PCDHGA3: variants seen among roughly 807,000 people sequenced by gnomAD.
PCDHGA3 encodes protocadherin gamma subfamily A, 3, also known as protocadherin gamma-A3.
In PCDHGA3, 40 loss-of-function variants were observed where a neutral mutation model predicts 58.5. The observed-to-expected ratio is 0.68, with a 90% CI of 0.53 to 0.89. The LOEUF (loss-of-function observed/expected upper bound fraction) is 0.89. Ranked by LOEUF, PCDHGA3 falls within the 40% of genes least tolerant of loss-of-function variation. The probability of loss-of-function intolerance (pLI) is 0.00; values close to 1 mark genes in which losing one functional copy is unlikely to be tolerated. For synonymous variants in PCDHGA3, 530 were observed against 525.7 expected (o/e 1.01, Z -0.11); for missense variants, 1,223 against 1,195.9 (o/e 1.02, Z -0.33).
At chr5:141,363,480 A>G (rs565177899) in intron 1 of PCDHGA3, among the ~76,000 whole-genome samples, 1 of 152,366 alleles carries the variant, frequency 6.6e-6, no homozygotes, top group East Asian at 1.9e-4. Flanking sequence ...GCTTTCCTGC[A>G]TGGATGATGA....
At position 141,408,970 on chromosome 5, in the gene PCDHGA3, C is replaced by T. The variant is rs755949698; in HGVS notation, c.2424+62513C>T. The stretch of plus-strand genomic sequence containing the variant: ...GAATTAGTCTTAGTGAAAATCTGCC[C>T]CCTGGGTCCCCTGTGTTGCAAGTGA... On this transcript the variant is annotated intron_variant, in intron 1 of 3. Coordinates refer to ENST00000253812, the MANE Select transcript of PCDHGA3 (RefSeq NM_018916.4). 10 of 1,613,770 alleles carry T rather than the reference C, an allele frequency of 6.2e-6. No homozygotes were observed. The South Asian group carries it at 1.1e-4, about 18-fold the overall frequency.
In PCDHGA3 at chr5:141,491,443, G is replaced by C. The variant is rs955584868; in HGVS notation, c.2425-3364G>C. On this transcript the variant is annotated intron_variant, in intron 1 of 3. Transcript: ENST00000253812. This position sits in a 1 kb window ranked among gnomAD's most constrained non-coding sequence, Gnocchi z 6.9. ...TGGAGGGCAGTGCTGCAGGCGCCAG[G>C]ACTCACCCTCCCCGGACTTCTATAA... 1 of 1,613,998 alleles carries C rather than the reference G, an allele frequency of 6.2e-7. No homozygotes were observed. Among genetic ancestry groups the C allele is most frequent in the Admixed American group, 1.7e-5 (1 of 60,000 alleles).
At chr5:141,376,298 C>T in intron 1 of PCDHGA3, 1 of 1,614,206 alleles carries the variant, frequency 6.2e-7, no homozygotes, top group South Asian at 1.1e-5. Context: ...GCCCGGCTCG[C>T]ACTTTGTGGG....
chr5:141,399,522 C>T, intron 1 of PCDHGA3: 6 of 1,614,056 alleles, frequency 3.7e-6, no homozygotes, highest in Non-Finnish European at 5.1e-6. Flanking sequence ...CTCCTGGGGC[C>T]TCCATCGCGC....
chr5:141,371,694 T>C, intron 1 of PCDHGA3: 1 of 1,614,030 alleles, frequency 6.2e-7, no homozygotes, highest in African/African-American at 1.3e-5. Flanking sequence ...ACCGCTCTCC[T>C]CCAGCAAGAC....
At chr5:141,351,150 T>G (rs781775496) in intron 1 of PCDHGA3, 3 of 1,614,020 alleles carry the variant, frequency 1.9e-6, no homozygotes, top group Non-Finnish European at 2.5e-6. Context: ...ACTGGCGACA[T>G]CACAACCAAT....
intron 1 of PCDHGA3, chr5:141,402,800 C>T: frequency 1.9e-6 from 2 of 1,072,726 alleles, no homozygotes; most frequent in African/African-American, 1.6e-5. Flanking sequence ...ACACAAAACC[C>T]GGCAGATACC....
chr5:141,394,729 A>T (rs765609733), intron 1 of PCDHGA3: 44 of 1,613,302 alleles, frequency 2.7e-5, no homozygotes, highest in African/African-American at 4.0e-5. Flanking sequence ...GATGCGCTCA[A>T]GCAGAGCCTC....
intron 1 of PCDHGA3, chr5:141,365,444 C>T (rs771471249): frequency 3.7e-6 from 6 of 1,613,872 alleles, no homozygotes; most frequent in South Asian, 2.2e-5. Context: ...GTTTAGCGTA[C>T]ATGATGGTGA....
intron 1 of PCDHGA3, chr5:141,383,934 A>G (rs756515135): frequency 2.5e-6 from 4 of 1,613,944 alleles, no homozygotes; most frequent in Non-Finnish European, 3.4e-6. Flanking sequence ...ATAATGCTCC[A>G]GAAGTGACTA....
At chr5:141,369,308 G>A (rs1356330525) in intron 1 of PCDHGA3, among the ~76,000 whole-genome samples, 2 of 152,074 alleles carry the variant, frequency 1.3e-5, no homozygotes, top group African/African-American at 4.8e-5. Flanking sequence ...TCATTGTTAG[G>A]CTACTTGAGA....
intron 1 of PCDHGA3, chr5:141,478,866 C>T (rs1392885307): frequency 1.5e-6 from 2 of 1,304,352 alleles, no homozygotes; most frequent in Non-Finnish European, 2.0e-6. Flanking sequence ...TCTCAGCGAT[C>T]AGAGTTTAGC....
chr5:141,475,080 C>T (rs963278755), intron 1 of PCDHGA3, among the ~76,000 whole-genome samples: 3 of 152,128 alleles, frequency 2.0e-5, no homozygotes, highest in South Asian at 4.1e-4. Flanking sequence ...GCCATTATTT[C>T]AATAATTTTA....
intron 1 of PCDHGA3, among the ~76,000 whole-genome samples, chr5:141,420,727 G>C (rs1454487477): frequency 2.0e-5 from 3 of 152,180 alleles, no homozygotes; most frequent in African/African-American, 7.2e-5. Flanking sequence ...CTTTCAGTCG[G>C]TTAAAATCAA....
At position 141,384,585 on chromosome 5, in the gene PCDHGA3, C is replaced by T. The variant is rs545796754; in HGVS notation, c.2424+38128C>T. 4.3e-6 allele frequency: 7 copies of T among 1,614,246 alleles called. No individual in the cohort carries two copies. In the African/African-American group the frequency reaches 6.7e-5, roughly 15 times the overall value. ...ACCAGAATGACAACCCGCCCGAGAT[C>T]CTGTACCCGGCCCTCCCCACAGATG... On this transcript the variant is annotated intron_variant, in intron 1 of 3. Coordinates refer to ENST00000253812, the MANE Select transcript of PCDHGA3 (RefSeq NM_018916.4).
In PCDHGA3 at chr5:141,487,737, T is replaced by G. The variant is rs1019622307; in HGVS notation, c.2425-7070T>G. 1 of 1,563,758 alleles carries G rather than the reference T, an allele frequency of 6.4e-7. No homozygotes were observed. The highest frequency in any genetic ancestry group is 8.7e-7 in the Non-Finnish European group (1 of 1,152,772). On this transcript the variant is annotated intron_variant, in intron 1 of 3. Transcript: ENST00000253812. This position sits in a 1 kb window ranked among gnomAD's most constrained non-coding sequence, Gnocchi z 5.0. ...GCCCATAGTGATGTCACCATTTTTG[T>G]AAGAGGTAACTATGTGGTAGACGCT...
rs781289120 is a variant in PCDHGA3 at position 141,431,571 on chromosome 5, A to G, written c.2425-63236A>G. ...GTAGTCAACGCTACCGACCCTGACG[A>G]AGGAGTCAATGCGGAAGTGAGGTAT... is the stretch of plus-strand genomic sequence containing the variant. On this transcript the variant is annotated intron_variant, in intron 1 of 3. Transcript: ENST00000253812. The surrounding 1 kb of genome is among the most constrained non-coding windows in gnomAD (Gnocchi z 4.8). 6.2e-7 allele frequency: 1 copy of G among 1,614,144 alleles called. No homozygotes were observed. The highest frequency in any genetic ancestry group is 2.2e-5 in the East Asian group (1 of 44,882).
intron 1 of PCDHGA3, chr5:141,410,202 A>C (rs766392835): frequency 1.3e-5 from 21 of 1,614,018 alleles, no homozygotes; most frequent in Non-Finnish European, 1.6e-5. Context: ...TTCGCAGACA[A>C]CTTGCAAGAG....
At chr5:141,442,029 A>C in intron 1 of PCDHGA3, 1 of 210,292 alleles carries the variant, frequency 4.8e-6, no homozygotes, top group Non-Finnish European at 9.8e-6. Context: ...CAGGAAAGCG[A>C]CTCGCCAGCG....
Sources: allele counts gnomAD v4.1 joint callset (sites outside exome capture counted in the v4.1 genomes callset), GRCh38; gene constraint gnomAD v4.1.1; non-coding constraint Gnocchi (gnomAD v3.1); transcripts MANE v1.5; gene names NCBI Gene and HGNC (gene_info 2026-07-23, HGNC 2026-07-21).